CNTLN: variants seen among roughly 807,000 people sequenced by gnomAD.
The protein encoded by CNTLN is centlein, centrosomal protein.
CNTLN carries 212 observed loss-of-function variants against 180.0 expected under a neutral mutation model. That is an observed-to-expected ratio of 1.18 (90% CI 1.05 to 1.32). The LOEUF (loss-of-function observed/expected upper bound fraction) is 1.32. Among genes scored for constraint, CNTLN ranks in the 40% most tolerant of loss-of-function variants. The pLI is 0.00. For missense variants in CNTLN, 2,095 were observed against 1,610.9 expected, an observed-to-expected ratio of 1.30 and a Z score of -5.14; for synonymous variants, 722 against 563.1, an observed-to-expected ratio of 1.28 and a Z score of -3.99.
At chr9:17,362,509 TA>T (rs1302527404) in intron 12 of CNTLN, among the ~76,000 whole-genome samples, 2 of 97,370 alleles carry the variant, frequency 2.1e-5, no homozygotes, top group African/African-American at 6.9e-5. Flanking sequence ...GTGTAAACAT[TA>T]TTTTTTTTCC....
rs779112576 is a variant in CNTLN at position 17,342,416 on chromosome 9, A to G, written c.1858A>G (p.Arg620Gly). 21 of 1,607,570 alleles carry G rather than the reference A, an allele frequency of 1.3e-5. No individual in the cohort carries two copies. The South Asian group carries it at 2.0e-4, about 16-fold the overall frequency. ...GTGGAATGAACTGGCATATTTCAAA[A>G]GGGAAAACCAGGAGCTAATGATTCA... The part of the protein sequence containing the change: ...AVWNELAYFK[R>G]ENQELMIQKM... Residue 620 changes from arginine (R) to glycine (G), a missense_variant, in exon 12 of 26, where the codon AGG becomes GGG. By Grantham distance (125) the Arg-to-Gly change is moderately radical (BLOSUM62 -2). Coordinates refer to ENST00000380647, the MANE Select transcript of CNTLN (RefSeq NM_017738.4).
At chr9:17,402,110 T>C (rs1827025063) in intron 15 of CNTLN, among the ~76,000 whole-genome samples, 1 of 151,832 alleles carries the variant, frequency 6.6e-6, no homozygotes, top group Non-Finnish European at 1.5e-5. Context: ...AAGAACCACA[T>C]ATAGACACCT....
chr9:17,472,762 C>G (rs1457133484), intron 23 of CNTLN, among the ~76,000 whole-genome samples: 1 of 152,120 alleles, frequency 6.6e-6, no homozygotes, highest in African/African-American at 2.4e-5. Flanking sequence ...GAAACACTAC[C>G]CTTGGCCTTG....
At chr9:17,372,467 C>T (rs1824405455) in intron 13 of CNTLN, among the ~76,000 whole-genome samples, 1 of 152,014 alleles carries the variant, frequency 6.6e-6, no homozygotes, top group African/African-American at 2.4e-5. Flanking sequence ...TAAGTAAAGA[C>T]ACTGATGCCA....
chr9:17,383,821 G>T (rs372606348), intron 13 of CNTLN, among the ~76,000 whole-genome samples: 15 of 151,904 alleles, frequency 9.9e-5, no homozygotes, highest in African/African-American at 3.4e-4. Flanking sequence ...TGTATTTTTA[G>T]TAGAGATGGG....
intron 12 of CNTLN, among the ~76,000 whole-genome samples, chr9:17,344,734 G>A (rs1379813092): frequency 6.6e-6 from 1 of 152,158 alleles, no homozygotes; most frequent in East Asian, 1.9e-4. Flanking sequence ...TTTGTTTTGA[G>A]GACAGAAATT....
intron 15 of CNTLN, among the ~76,000 whole-genome samples, chr9:17,407,315 T>G (rs1827471450): frequency 6.6e-6 from 1 of 152,216 alleles, no homozygotes; most frequent in African/African-American, 2.4e-5. Context: ...TTAAAAGAAG[T>G]AGTGATTTCT....
At chr9:17,435,962 A>G (rs764065662) in intron 18 of CNTLN, among the ~76,000 whole-genome samples, 1 of 152,152 alleles carries the variant, frequency 6.6e-6, no homozygotes, top group Non-Finnish European at 1.5e-5. Flanking sequence ...AGATCTTTAT[A>G]TTAGAATGTG....
chr9:17,433,330 G>A (rs1315491670), intron 18 of CNTLN, among the ~76,000 whole-genome samples: 1 of 151,226 alleles, frequency 6.6e-6, no homozygotes, highest in Admixed American at 6.6e-5. Flanking sequence ...TGTCGCCCAA[G>A]CTGGAGTGCA....
At chr9:17,246,073 C>T (rs1417857715) in intron 5 of CNTLN, among the ~76,000 whole-genome samples, 4 of 152,008 alleles carry the variant, frequency 2.6e-5, no homozygotes, top group Non-Finnish European at 5.9e-5. Flanking sequence ...GTCATGTTTT[C>T]TTGAATGGTT....
intron 8 of CNTLN, among the ~76,000 whole-genome samples, chr9:17,319,714 T>C (rs1819776120): frequency 6.6e-6 from 1 of 152,182 alleles, no homozygotes; most frequent in South Asian, 2.1e-4. Flanking sequence ...CACAAGACAA[T>C]GAATGGTGGG....
chr9:17,269,151 G>A (rs1034574882), intron 5 of CNTLN, among the ~76,000 whole-genome samples: 32 of 152,216 alleles, frequency 2.1e-4, no homozygotes, highest in East Asian at 9.7e-4. Flanking sequence ...ACTGTAGACC[G>A]GAGCTGTTCC....
chr9:17,495,241 AC>A (rs1173443661), intron 25 of CNTLN, among the ~76,000 whole-genome samples: 1 of 151,938 alleles, frequency 6.6e-6, no homozygotes, highest in Non-Finnish European at 1.5e-5. Context: ...AAAAAAAAAA[AC>A]TTAACTGTAA....
At chr9:17,528,120 C>T in the CNTLN span, among the ~76,000 whole-genome samples, 1 of 151,982 alleles carries the variant, frequency 6.6e-6, no homozygotes, top group African/African-American at 2.4e-5. Context: ...TATGTAGAAA[C>T]TCTGCCCTCA....
chr9:17,255,811 A>G (rs1007636295), intron 5 of CNTLN, among the ~76,000 whole-genome samples: 1 of 151,772 alleles, frequency 6.6e-6, no homozygotes, highest in African/African-American at 2.4e-5. Flanking sequence ...TAGGTTTTTG[A>G]TTACTGATTC....
chr9:17,409,539 A>C (rs921816926), intron 16 of CNTLN, 66 bp downstream of exon 16: 34 of 1,173,194 alleles, frequency 2.9e-5, no homozygotes, highest in Non-Finnish European at 3.8e-5. Context: ...TTTATAACTT[A>C]AGTAAATAAA....
Position 17,359,724 on chromosome 9 carries a change from AC to A in CNTLN, c.1887-6892del, listed in dbSNP as rs1564027199. Among the ~76,000 whole-genome samples the A allele has an allele frequency of 3.5e-3, 137 of 39,426 alleles. 19 individuals are homozygous for A. The highest frequency in any genetic ancestry group is 7.1e-3 in the African/African-American group (106 of 14,890). The allele number at this position is 39,426 out of a possible 152,430, so 25.9% of individuals were successfully genotyped here. ...GTGAAACTCCGTCTATACTAAAAAT[AC>A]AAAAAAAAAAAAAAAAAAAAAAAAA... On this transcript the variant is annotated intron_variant, in intron 12 of 25. Coordinates refer to ENST00000380647, the MANE Select transcript of CNTLN (RefSeq NM_017738.4).
intron 2 of CNTLN, among the ~76,000 whole-genome samples, chr9:17,219,294 A>C (rs1236261112): frequency 1.3e-5 from 2 of 150,708 alleles, no homozygotes; most frequent in Middle Eastern, 3.2e-3. Context: ...ATAGAAGTAC[A>C]TGTATTAATT....
At chr9:17,265,346 T>G (rs1186063751) in intron 5 of CNTLN, among the ~76,000 whole-genome samples, 3 of 152,240 alleles carry the variant, frequency 2.0e-5, no homozygotes, top group Admixed American at 1.3e-4. Flanking sequence ...ATTACACTTA[T>G]TGATTTGCGT....
Sources: allele counts gnomAD v4.1 joint callset (sites outside exome capture counted in the v4.1 genomes callset), GRCh38; gene constraint gnomAD v4.1.1; transcripts MANE v1.5; gene names NCBI Gene and HGNC (gene_info 2026-07-23, HGNC 2026-07-21).